The following DNAJB1 variants were observed in gnomAD, a reference collection of about 807,000 sequenced individuals.
DNAJB1 encodes the protein DnaJ heat shock protein family (Hsp40) member B1.
In DNAJB1, 14 loss-of-function variants were observed where a neutral mutation model predicts 24.0. The observed-to-expected ratio is 0.58, with a 90% CI of 0.39 to 0.91. The LOEUF is 0.91. DNAJB1 is among the 40% of genes least tolerant of loss of function. The pLI is 0.00. For missense variants in DNAJB1, 517 were observed against 458.1 expected, an observed-to-expected ratio of 1.13 and a Z score of -1.17; for synonymous variants, 262 against 174.4, an observed-to-expected ratio of 1.50 and a Z score of -3.96.
chr19:14,515,928 G>A lies in DNAJB1; in HGVS notation c.*12C>T, dbSNP rs377601762. On this transcript the variant is annotated 3_prime_UTR_variant, in exon 3 of 3. Transcript: ENST00000254322. ...GAAAGGTCCCTGGTCAGTCCTTGGG[G>A]AGCTCAGATAGCTATATTGGAAGAA... 1.2e-6 allele frequency: 2 copies of A among 1,605,248 alleles called. No homozygotes were observed. The highest frequency in any genetic ancestry group is 1.7e-5 in the Admixed American group (1 of 57,404).
At position 14,517,127 on chromosome 19, in the gene DNAJB1, G is replaced by C. The variant is rs1568380475; in HGVS notation, c.212-81C>G. 3 of 1,443,684 alleles carry C rather than the reference G, an allele frequency of 2.1e-6. No homozygotes were observed. The East Asian group carries it at 6.9e-5, about 33-fold the overall frequency. The allele number at this position is 1,443,684 out of a possible 1,614,324, so 89.4% of individuals were successfully genotyped here. On this transcript the variant is annotated intron_variant, in intron 1 of 2. Coordinates refer to ENST00000254322, the MANE Select transcript of DNAJB1 (RefSeq NM_006145.3). ...CTTCCCTTACAGGGGGAAACAGCTT[G>C]GAAGCCATGGGGGAGGAACTTTTTT...
intron 2 of DNAJB1, among the ~76,000 whole-genome samples, chr19:14,527,048 T>A (rs1007534642): frequency 6.6e-6 from 1 of 151,218 alleles, no homozygotes; most frequent in African/African-American, 2.4e-5. Context: ...TACTAAAAAA[T>A]TAACTTGTGG....
At chr19:14,529,593 C>T (rs898567454), upstream of DNAJB1, 4 of 1,568,760 alleles carry the variant, frequency 2.5e-6, no homozygotes, top group East Asian at 2.2e-5. Flanking sequence ...CGCAGAGCCG[C>T]GTTTAGTCTA....
upstream of DNAJB1, among the ~76,000 whole-genome samples, chr19:14,534,801 A>T (rs145977907): frequency 1.3e-5 from 2 of 152,156 alleles, no homozygotes; most frequent in Non-Finnish European, 2.9e-5. Flanking sequence ...AGATAATGCA[A>T]CTGAAGCTCA....
In DNAJB1 at chr19:14,516,516, T is replaced by C; in HGVS notation, c.742A>G (p.Lys248Glu). Residue 248 changes from lysine to glutamate, a missense_variant, in exon 2 of 3, where the codon AAG becomes GAG. Physicochemically the swap from Lys to Glu is moderately conservative, Grantham distance 56. Transcript: ENST00000254322. ...TAAATGACATCAGAGCCATCTCTCT[T>C]AAAGATATTGTGGGGCTTGTCCTTT... ...VLKDKPHNIF[K>E]RDGSDVIYPA... The C allele has an allele frequency of 6.2e-7, 1 of 1,614,204 alleles. No individual in the cohort carries two copies. The highest frequency in any genetic ancestry group is 8.5e-7 in the Non-Finnish European group (1 of 1,180,044).
At chr19:14,553,672 G>C (rs754269256), upstream of DNAJB1, among the ~76,000 whole-genome samples, 4 of 152,174 alleles carry the variant, frequency 2.6e-5, no homozygotes, top group African/African-American at 4.8e-5. Flanking sequence ...CCGGAGTCCA[G>C]ATGAATGTGC....
chr19:14,530,501 A>G (rs2072597062), upstream of DNAJB1: 1 of 152,272 alleles, frequency 6.6e-6, no homozygotes, highest in African/African-American at 2.4e-5. Flanking sequence ...TTAAAATTCA[A>G]AATAACAATT....
intron 1 of DNAJB1, among the ~76,000 whole-genome samples, chr19:14,549,962 A>G (rs1209378162): frequency 6.6e-6 from 1 of 151,948 alleles, no homozygotes; most frequent in Non-Finnish European, 1.5e-5. Flanking sequence ...AATAAAAAAA[A>G]TAAACTATAC....
At chr19:14,517,921 A>C (rs1273896634) in intron 1 of DNAJB1, 1 of 443,164 alleles carries the variant, frequency 2.3e-6, no homozygotes, top group Non-Finnish European at 3.8e-6. Context: ...GCAGCCCCAG[A>C]CATGCTAGAA....
intron 1 of DNAJB1, among the ~76,000 whole-genome samples, chr19:14,548,867 A>C (rs2073392414): frequency 1.3e-5 from 2 of 152,060 alleles, no homozygotes; most frequent in Admixed American, 6.6e-5. Context: ...GAGCCACCGC[A>C]TCCAACCATC....
intron 1 of DNAJB1, among the ~76,000 whole-genome samples, chr19:14,543,420 T>TATATA (rs1491174243): frequency 7.2e-4 from 4 of 5,518 alleles, no homozygotes; most frequent in African/African-American, 2.0e-3. Context: ...TATATATATA[T>TATATA]TTTTTTTTTT....
At chr19:14,557,629 T>C (rs1275704782) in intron 1 of DNAJB1, among the ~76,000 whole-genome samples, 1 of 151,052 alleles carries the variant, frequency 6.6e-6, no homozygotes, top group African/African-American at 2.4e-5. Context: ...TTTTTGTATC[T>C]TTGGTAGAGA....
chr19:14,551,156 C>G (rs1321062651), upstream of DNAJB1, among the ~76,000 whole-genome samples: 1 of 151,808 alleles, frequency 6.6e-6, no homozygotes, highest in Non-Finnish European at 1.5e-5. Flanking sequence ...ACTGCAACCT[C>G]CACCTCCCAG....
upstream of DNAJB1, among the ~76,000 whole-genome samples, chr19:14,520,852 G>A (rs1213676549): frequency 6.6e-6 from 1 of 151,868 alleles, no homozygotes; most frequent in Admixed American, 6.6e-5. Flanking sequence ...AATTAGCCGG[G>A]TGCAATGATG....
chr19:14,516,856 G>C lies in DNAJB1; in HGVS notation c.402C>G (p.Phe134Leu). Residue 134 changes from phenylalanine (F) to leucine (L), a missense_variant, in exon 2 of 3, where the codon TTC becomes TTG. Phe to Leu is a conservative substitution (Grantham distance 22, BLOSUM62 0). Transcript: ENST00000254322. Reference sequence around the variant, plus strand: ...TGGTGAAGCCACCCATGCCCATAGGGAAGCCAGAGAATGGGTCATCAATGT... The same window carrying C: ...TGGTGAAGCCACCCATGCCCATAGGCAAGCCAGAGAATGGGTCATCAATGT... The part of the protein sequence containing the change: ...GMDIDDPFSG[F>L]PMGMGGFTNV... The C allele has an allele frequency of 6.2e-7, 1 of 1,614,106 alleles. No homozygotes were observed. The highest frequency in any genetic ancestry group is 8.5e-7 in the Non-Finnish European group (1 of 1,180,018).
rs542368105 is a variant in DNAJB1 at position 14,526,662 on chromosome 19, C to T, written c.-90+1064G>A. Among the ~76,000 whole-genome samples the T allele has an allele frequency of 3.0e-4, 45 of 152,188 alleles. No individual in the cohort carries two copies. In the South Asian group the frequency reaches 9.1e-3, roughly 31 times the overall value. On this transcript the variant is annotated intron_variant, in intron 2 of 3. Transcript: ENST00000396969. ...AAAAGCAGTCTCAAAAGGGAATTTC[C>T]AAAACGTTCTGAGTTTATGGGAATA... is the stretch of plus-strand genomic sequence containing the variant.
upstream of DNAJB1, among the ~76,000 whole-genome samples, chr19:14,522,687 C>G (rs1218432360): frequency 7.0e-5 from 5 of 71,716 alleles, no homozygotes; most frequent in East Asian, 3.9e-4. Context: ...CACACAGACA[C>G]ACACACACAC....
upstream of DNAJB1, among the ~76,000 whole-genome samples, chr19:14,519,691 G>C (rs2072339906): frequency 6.6e-6 from 1 of 152,180 alleles, no homozygotes; most frequent in African/African-American, 2.4e-5. Flanking sequence ...CCAGTGCCTG[G>C]AACGCAGTGA....
intron 2 of DNAJB1, 59 bp downstream of exon 2, chr19:14,516,407 A>C (rs1599379029): frequency 1.3e-6 from 2 of 1,545,294 alleles, no homozygotes; most frequent in East Asian, 4.5e-5. Context: ...AGCAAATACT[A>C]AACTGCTTCA....
Sources: gnomAD v4.1 joint callset for allele counts (sites outside exome capture counted in the v4.1 genomes callset) on GRCh38, gnomAD v4.1.1 for gene constraint, MANE v1.5 for transcripts, NCBI Gene and HGNC (gene_info 2026-07-23, HGNC 2026-07-21) for gene names.